The following RNF216 variants were observed in gnomAD, a reference collection of about 807,000 sequenced individuals.
RNF216 encodes E3 ubiquitin-protein ligase RNF216.
In RNF216, 72 loss-of-function variants were observed where a neutral mutation model predicts 110.8. The ratio of observed to expected loss-of-function variants is 0.65; its 90% CI spans 0.54 to 0.79. RNF216 has a LOEUF of 0.79. Ranked by LOEUF, RNF216 falls within the 30% of genes least tolerant of loss-of-function variation. The pLI, the probability that RNF216 is intolerant of heterozygous loss-of-function variation, is 0.00. For synonymous variants in RNF216, 495 were observed against 407.5 expected, an observed-to-expected ratio of 1.21 and a Z score of -2.59; for missense variants, 1,342 against 1,141.2, an observed-to-expected ratio of 1.18 and a Z score of -2.54.
intron 2 of RNF216, among the ~76,000 whole-genome samples, chr7:5,757,595 G>A (rs1230951888): frequency 1.3e-5 from 2 of 152,082 alleles, no homozygotes; most frequent in Non-Finnish European, 2.9e-5. Context: ...CAACAACAGG[G>A]ATGAATCTCA....
chr7:5,755,471 A>G (rs1186287733), intron 2 of RNF216, among the ~76,000 whole-genome samples: 1 of 152,210 alleles, frequency 6.6e-6, no homozygotes, highest in Non-Finnish European at 1.5e-5. Flanking sequence ...GTCAGGAAAT[A>G]TTTCTAGCAC....
intron 5 of RNF216, among the ~76,000 whole-genome samples, chr7:5,736,353 C>G (rs772171212): frequency 6.6e-6 from 1 of 152,202 alleles, no homozygotes; most frequent in African/African-American, 2.4e-5. Flanking sequence ...AGCTCCTAAC[C>G]GGGACTGATC....
chr7:5,647,410 T>C (rs1014574845), intron 14 of RNF216, among the ~76,000 whole-genome samples: 1 of 149,020 alleles, frequency 6.7e-6, no homozygotes, highest in South Asian at 2.2e-4. Flanking sequence ...CATGGCTTAC[T>C]GCGGCCTCGA....
At chr7:5,677,319 C>T (rs1790366408) in intron 13 of RNF216, among the ~76,000 whole-genome samples, 1 of 152,166 alleles carries the variant, frequency 6.6e-6, no homozygotes, top group African/African-American at 2.4e-5. Flanking sequence ...CTGGGCAATG[C>T]CATCTGCGTT....
intron 13 of RNF216, among the ~76,000 whole-genome samples, chr7:5,668,509 C>T (rs1473961575): frequency 6.6e-6 from 1 of 152,026 alleles, no homozygotes; most frequent in African/African-American, 2.4e-5. Context: ...AGATGTGAGC[C>T]ACCGTGCCAG....
intron 12 of RNF216, among the ~76,000 whole-genome samples, chr7:5,712,269 C>T (rs1792754451): frequency 6.6e-6 from 1 of 152,146 alleles, no homozygotes; most frequent in Non-Finnish European, 1.5e-5. Context: ...CATTTGAGGT[C>T]AGGAGTTGGA....
chr7:5,720,449 T>G (rs777244960), intron 9 of RNF216, among the ~76,000 whole-genome samples: 3 of 152,218 alleles, frequency 2.0e-5, no homozygotes, highest in Non-Finnish European at 4.4e-5. Flanking sequence ...AACGTGCTCA[T>G]CGACTATTAT....
At chr7:5,731,935 C>CG (rs1378085234) in intron 5 of RNF216, among the ~76,000 whole-genome samples, 1 of 152,162 alleles carries the variant, frequency 6.6e-6, no homozygotes, top group Non-Finnish European at 1.5e-5. Flanking sequence ...CAGCCCCCGC[C>CG]GGGGACCCAC....
chr7:5,641,445 A>T, intron 14 of RNF216, 69 bp from the exon 15 acceptor site: 1 of 1,213,018 alleles, frequency 8.2e-7, no homozygotes, highest in Non-Finnish European at 1.2e-6. Context: ...GCCATTAAGC[A>T]TTTATTTATT....
chr7:5,663,245 A>G (rs1023924359), intron 13 of RNF216, among the ~76,000 whole-genome samples: 1 of 152,034 alleles, frequency 6.6e-6, no homozygotes, highest in Admixed American at 6.6e-5. Flanking sequence ...GCTGGTCACT[A>G]TGGACAGGCT....
intron 13 of RNF216, among the ~76,000 whole-genome samples, chr7:5,657,400 T>C (rs1788814729): frequency 6.6e-6 from 1 of 152,058 alleles, no homozygotes; most frequent in Non-Finnish European, 1.5e-5. Context: ...AAACCCCATC[T>C]CTACTAAAAA....
In RNF216 at chr7:5,680,521, C is replaced by G. The variant is rs2128604805; in HGVS notation, c.2062-28011G>C. On this transcript the variant is annotated intron_variant, in intron 13 of 16. Coordinates refer to ENST00000389902, the MANE Select transcript of RNF216 (RefSeq NM_207111.4). This position sits in a 1 kb window ranked among gnomAD's most constrained non-coding sequence, Gnocchi z 4.3. ...GGTTCAAGCGATTCCCCTGCTTCAGCCTCCTGAGTAGCTGGGACTACAGGC... is the reference window on the plus strand; with the variant it reads ...GGTTCAAGCGATTCCCCTGCTTCAGGCTCCTGAGTAGCTGGGACTACAGGC... The G allele has an allele frequency of 6.6e-6, 1 of 152,438 alleles. No individual in the cohort carries two copies. The highest frequency in any genetic ancestry group is 6.5e-5 in the Admixed American group (1 of 15,298). The allele number at this position is 152,438 out of a possible 1,614,324, so 9.4% of individuals were successfully genotyped here. A position where few individuals can be genotyped will look rare whatever the true frequency, so the allele number is the denominator to read the frequency against.
At chr7:5,676,821 C>G (rs933756019) in intron 13 of RNF216, among the ~76,000 whole-genome samples, 2 of 152,232 alleles carry the variant, frequency 1.3e-5, no homozygotes, top group Non-Finnish European at 2.9e-5. Flanking sequence ...CAAGCACTTC[C>G]TCTCTGGTCA....
chr7:5,675,696 G>A (rs1182362370), intron 13 of RNF216, among the ~76,000 whole-genome samples: 5 of 150,030 alleles, frequency 3.3e-5, no homozygotes, highest in Non-Finnish European at 5.9e-5. Flanking sequence ...AGCCTATAGC[G>A]CTAACTCTAT....
chr7:5,626,653 CAG>C (rs1246601108), intron 15 of RNF216, among the ~76,000 whole-genome samples: 1 of 147,578 alleles, frequency 6.8e-6, no homozygotes, highest in South Asian at 2.1e-4. Context: ...CCCTGGGCGA[CAG>C]AGTGAAACTT....
chr7:5,709,205 G>C (rs751234065), intron 13 of RNF216, among the ~76,000 whole-genome samples: 7 of 152,164 alleles, frequency 4.6e-5, no homozygotes, highest in Non-Finnish European at 8.8e-5. Context: ...TTTCCTGTGA[G>C]ACAAGACAGA....
At chr7:5,645,036 C>A (rs565291743) in intron 14 of RNF216, among the ~76,000 whole-genome samples, 1 of 151,864 alleles carries the variant, frequency 6.6e-6, no homozygotes, top group Non-Finnish European at 1.5e-5. Context: ...AGGGTCATCT[C>A]GAACTCCTGA....
In RNF216 at chr7:5,715,143, G is replaced by C; in HGVS notation, c.1743C>G (p.Phe581Leu). Residue 581 changes from phenylalanine to leucine, a missense_variant, in exon 11 of 17, where the codon TTC (phenylalanine) becomes TTG (leucine). By Grantham distance (22) the Phe-to-Leu change is conservative. Transcript: ENST00000389902. ...CATCTGCGCACTGCGTCAGCTCCTC[G>C]AATGGAAATTCCCCATAGCAGCAGC... ...ECRCCYGEFP[F>L]EELTQCADAH... is the part of the protein sequence containing the mutation. 1 of 1,613,772 alleles carries C rather than the reference G, an allele frequency of 6.2e-7. No individual in the cohort carries two copies. Among genetic ancestry groups the C allele is most frequent in the Non-Finnish European group, 8.5e-7 (1 of 1,179,988 alleles).
At position 5,739,336 on chromosome 7, in the gene RNF216, T is replaced by C; in HGVS notation, c.1061A>G (p.Asp354Gly). The change falls in exon 5 of 17, where the codon GAT (aspartate) becomes GGT (glycine). Residue 354 changes from aspartate (D) to glycine (G), a missense_variant. Physicochemically the swap from Asp to Gly is moderately conservative, Grantham distance 94. Transcript: ENST00000389902. ...LVKETEARFP[D>G]VANGFIEEII... is the part of the protein sequence containing the mutation. The stretch of plus-strand genomic sequence containing the variant: ...TTCCTCAATAAACCCATTTGCTACA[T>C]CTGGAAATCTTGCTTCCTAGAAACA... 1 of 1,597,396 alleles carries C rather than the reference T, an allele frequency of 6.3e-7. No individual in the cohort carries two copies. Among genetic ancestry groups the C allele is most frequent in the Non-Finnish European group, 8.5e-7 (1 of 1,175,016 alleles).
Sources: gnomAD v4.1 joint callset for allele counts (sites outside exome capture counted in the v4.1 genomes callset) on GRCh38, gnomAD v4.1.1 for gene constraint, Gnocchi (gnomAD v3.1) non-coding constraint, MANE v1.5 for transcripts, NCBI Gene and HGNC (gene_info 2026-07-23, HGNC 2026-07-21) for gene names.